Variants in SNX18 observed in about 807,000 individuals in gnomAD.
The protein encoded by SNX18 is sorting nexin-18.
A neutral mutation model predicts 48.7 loss-of-function variants in SNX18; 35 were observed. That is an observed-to-expected ratio of 0.72 (90% confidence interval 0.55 to 0.95). The LOEUF is 0.95. Ranked by LOEUF, SNX18 falls within the 40% of genes least tolerant of loss-of-function variation. The probability of loss-of-function intolerance (pLI) is 0.00; values close to 1 mark genes in which losing one functional copy is unlikely to be tolerated. For synonymous variants in SNX18, 492 were observed against 384.7 expected (o/e 1.28, Z -3.26); for missense variants, 824 against 871.0 (o/e 0.95, Z 0.68).
chr5:54,530,772 A>G (rs1762241125), intron 1 of SNX18, among the ~76,000 whole-genome samples: 2 of 13,506 alleles, frequency 1.5e-4, no homozygotes, highest in African/African-American at 2.6e-4. Context: ...TTTTTTTTTG[A>G]GACAGTTTCG....
the SNX18 span, among the ~76,000 whole-genome samples, chr5:54,639,190 C>T: frequency 2.8e-5 from 4 of 144,314 alleles, no homozygotes; most frequent in Non-Finnish European, 4.5e-5. Flanking sequence ...GGTAGGCCAC[C>T]GAATGCTCTC....
At chr5:54,599,613 G>C in the SNX18 span, among the ~76,000 whole-genome samples, 1 of 152,104 alleles carries the variant, frequency 6.6e-6, no homozygotes, top group Admixed American at 6.6e-5. Context: ...AGCCAAAACA[G>C]CATGGTACTG....
chr5:54,587,417 G>C, the SNX18 span, among the ~76,000 whole-genome samples: 2 of 152,154 alleles, frequency 1.3e-5, no homozygotes, highest in East Asian at 3.9e-4. Flanking sequence ...AATCTATTGC[G>C]TCTTCTGCTG....
At chr5:54,639,609 C>G in the SNX18 span, among the ~76,000 whole-genome samples, 3 of 105,836 alleles carry the variant, frequency 2.8e-5, no homozygotes, top group Non-Finnish European at 4.1e-5. Context: ...CTTTATTTTT[C>G]ACGAGAATCT....
chr5:54,527,808 A>T (rs1191227602), intron 1 of SNX18, among the ~76,000 whole-genome samples: 1 of 152,252 alleles, frequency 6.6e-6, no homozygotes, highest in Non-Finnish European at 1.5e-5. Flanking sequence ...TGCTGAATTA[A>T]TGAAGTAGGC....
chr5:54,557,497 G>A, the SNX18 span, among the ~76,000 whole-genome samples: 47,448 of 152,074 alleles, frequency 0.31, 7,633 homozygotes, highest in Middle Eastern at 0.39. Flanking sequence ...CTAAAAGATC[G>A]ATGATCTGAA....
chr5:54,562,002 C>T, the SNX18 span, among the ~76,000 whole-genome samples: 2 of 151,964 alleles, frequency 1.3e-5, no homozygotes, highest in African/African-American at 4.8e-5. Context: ...AGGTTTTTTT[C>T]TGATGATAAA....
At chr5:54,579,238 G>A in the SNX18 span, among the ~76,000 whole-genome samples, 2 of 152,126 alleles carry the variant, frequency 1.3e-5, no homozygotes, top group South Asian at 4.1e-4. Flanking sequence ...AGCTACTAAG[G>A]AGGCTGAGGC....
At chr5:54,551,983 C>T in the SNX18 span, among the ~76,000 whole-genome samples, 1 of 152,216 alleles carries the variant, frequency 6.6e-6, no homozygotes, top group Admixed American at 6.5e-5. Flanking sequence ...CCAGCACCAG[C>T]AGTCAGCCTT....
chr5:54,616,815 T>C, the SNX18 span, among the ~76,000 whole-genome samples: 1 of 152,024 alleles, frequency 6.6e-6, no homozygotes, highest in East Asian at 1.9e-4. Context: ...GCAAACACAA[T>C]GTCAGATCTC....
chr5:54,588,306 C>CTTTATTTTTTTTTTTTT, the SNX18 span, among the ~76,000 whole-genome samples: 1 of 73,910 alleles, frequency 1.4e-5, no homozygotes, highest in Non-Finnish European at 2.5e-5. Flanking sequence ...TATTTCTATT[C>CTTTATTTTTTTTTTTTT]TTTTTTTTTT....
At chr5:54,535,645 G>A (rs1020596913) in intron 1 of SNX18, among the ~76,000 whole-genome samples, 2 of 152,160 alleles carry the variant, frequency 1.3e-5, no homozygotes, top group South Asian at 2.1e-4. Context: ...AGAATGGGAC[G>A]TGCCAGGGCT....
the SNX18 span, among the ~76,000 whole-genome samples, chr5:54,576,160 C>A: frequency 3.3e-5 from 5 of 152,156 alleles, no homozygotes; most frequent in African/African-American, 9.7e-5. Context: ...AGTGAGTGAG[C>A]CTTCATGTGT....
At chr5:54,588,306 C>CTTTTTTTTTTTTTTTTT in the SNX18 span, among the ~76,000 whole-genome samples, 55 of 73,906 alleles carry the variant, frequency 7.4e-4, 2 homozygotes, top group Middle Eastern at 0.01. Context: ...TATTTCTATT[C>CTTTTTTTTTTTTTTTTT]TTTTTTTTTT....
At chr5:54,617,708 C>CT in the SNX18 span, among the ~76,000 whole-genome samples, 1 of 152,076 alleles carries the variant, frequency 6.6e-6, no homozygotes, top group East Asian at 1.9e-4. Context: ...ATGAATCTCT[C>CT]TTTTTTCCCC....
chr5:54,637,367 C>A, the SNX18 span, among the ~76,000 whole-genome samples: 1 of 152,034 alleles, frequency 6.6e-6, no homozygotes, highest in Non-Finnish European at 1.5e-5. Context: ...ATAACTGTTA[C>A]CATAATTCAT....
chr5:54,612,155 G>A, the SNX18 span, among the ~76,000 whole-genome samples: 1 of 152,138 alleles, frequency 6.6e-6, no homozygotes, highest in Non-Finnish European at 1.5e-5. Flanking sequence ...ATTATTGTTA[G>A]TAATGAGCTA....
the SNX18 span, among the ~76,000 whole-genome samples, chr5:54,602,558 C>T: frequency 2.6e-5 from 4 of 152,058 alleles, no homozygotes; most frequent in African/African-American, 4.8e-5. Context: ...GTGGACTTCC[C>T]TAAAAGAATT....
the SNX18 span, among the ~76,000 whole-genome samples, chr5:54,643,160 A>C: frequency 2.0e-5 from 3 of 152,282 alleles, no homozygotes; most frequent in South Asian, 4.1e-4. Context: ...TGGGCAGCTG[A>C]ATATGGGCTC....
Sources: gnomAD v4.1 joint callset for allele counts (sites outside exome capture counted in the v4.1 genomes callset) on GRCh38, gnomAD v4.1.1 for gene constraint, MANE v1.5 for transcripts, NCBI Gene and HGNC (gene_info 2026-07-23, HGNC 2026-07-21) for gene names.